The following TBCK variants were observed in gnomAD, a reference collection of about 807,000 sequenced individuals.
TBCK encodes TBC domain-containing protein kinase-like protein.
A neutral mutation model predicts 113.4 loss-of-function variants in TBCK; 99 were observed. The observed-to-expected ratio is 0.87, with a 90% CI of 0.74 to 1.03. The LOEUF (loss-of-function observed/expected upper bound fraction) is 1.03. TBCK is among the 50% of genes least tolerant of loss of function. The pLI, the probability that TBCK is intolerant of heterozygous loss-of-function variation, is 0.00. For missense variants in TBCK, 1,045 were observed against 1,061.3 expected (o/e 0.98, Z 0.21); for synonymous variants, 369 against 370.8 (o/e 1.00, Z 0.05).
At chr4:106,246,859 G>GT (rs1338139043) in intron 10 of TBCK, among the ~76,000 whole-genome samples, 2 of 151,952 alleles carry the variant, frequency 1.3e-5, no homozygotes, top group Non-Finnish European at 2.9e-5. Context: ...TGTTGTTGTT[G>GT]TTTTTTGTAG....
chr4:106,244,428 A>T (rs1378894656), intron 11 of TBCK, among the ~76,000 whole-genome samples, 198 bp downstream of exon 11: 2 of 152,142 alleles, frequency 1.3e-5, no homozygotes, highest in Non-Finnish European at 2.9e-5. Flanking sequence ...GAACTCTGCA[A>T]TTAGAAACTT....
chr4:106,206,374 A>C (rs1048744072), intron 20 of TBCK, among the ~76,000 whole-genome samples: 1 of 152,216 alleles, frequency 6.6e-6, no homozygotes. Context: ...TTTGATTTCT[A>C]AAATCTGGGC....
At chr4:106,201,889 C>G (rs929284854) in intron 20 of TBCK, among the ~76,000 whole-genome samples, 13 of 151,840 alleles carry the variant, frequency 8.6e-5, no homozygotes, top group African/African-American at 3.1e-4. Context: ...ACATATTGAC[C>G]ATTAGTTTAA....
chr4:106,067,239 T>C (rs1258100963), intron 25 of TBCK, among the ~76,000 whole-genome samples: 1 of 152,138 alleles, frequency 6.6e-6, no homozygotes, highest in African/African-American at 2.4e-5. Context: ...ATGATACTGA[T>C]TATCTTTTCC....
At chr4:106,070,097 T>C (rs543137554) in intron 25 of TBCK, among the ~76,000 whole-genome samples, 1 of 152,130 alleles carries the variant, frequency 6.6e-6, no homozygotes, top group Non-Finnish European at 1.5e-5. Flanking sequence ...CAGGGACAAT[T>C]TGACTTCCTC....
chr4:106,048,051 G>A (rs1425700476), intron 25 of TBCK, among the ~76,000 whole-genome samples: 1 of 152,084 alleles, frequency 6.6e-6, no homozygotes, highest in Non-Finnish European at 1.5e-5. Flanking sequence ...TGGGCTGAGT[G>A]GTTTGGCCAG....
At chr4:106,281,053 T>TA in intron 3 of TBCK, among the ~76,000 whole-genome samples, 1 of 152,290 alleles carries the variant, frequency 6.6e-6, no homozygotes, top group East Asian at 1.9e-4. Flanking sequence ...GTCCCATCCA[T>TA]AAACATGAAA....
intron 11 of TBCK, among the ~76,000 whole-genome samples, chr4:106,243,539 A>T (rs1199666209): frequency 2.0e-5 from 3 of 152,152 alleles, no homozygotes; most frequent in Non-Finnish European, 4.4e-5. Context: ...AATCAAAGTT[A>T]ACATTTAAAA....
chr4:106,161,353 G>C (rs1023839045), intron 23 of TBCK, among the ~76,000 whole-genome samples: 2 of 152,232 alleles, frequency 1.3e-5, no homozygotes, highest in South Asian at 4.1e-4. Flanking sequence ...CGGAGAACAA[G>C]CTAAAAACAC....
chr4:106,058,933 A>C (rs1735732351), intron 25 of TBCK, among the ~76,000 whole-genome samples: 1 of 151,748 alleles, frequency 6.6e-6, no homozygotes, highest in African/African-American at 2.4e-5. Flanking sequence ...CCTGAGTGAA[A>C]ACAGTTGTGC....
At chr4:106,309,535 C>A (rs1055787681) in intron 1 of TBCK, among the ~76,000 whole-genome samples, 2 of 151,886 alleles carry the variant, frequency 1.3e-5, no homozygotes. Context: ...AACTCCTGAC[C>A]TCGTGATCCA....
At position 106,095,536 on chromosome 4, in the gene TBCK, GT is replaced by G. The variant is rs1397705856; in HGVS notation, c.2516del (p.Asn839ThrfsTer25). 1.2e-6 allele frequency: 2 copies of G among 1,614,024 alleles called. No individual in the cohort carries two copies. The highest frequency in any genetic ancestry group is 2.7e-5 in the African/African-American group (2 of 74,946). On this transcript the variant is annotated frameshift_variant, in exon 25 of 26. Transcript: ENST00000394708. LOFTEE classifies it high-confidence loss of function. Reference sequence around the variant, plus strand: ...CGATGACAATGACCTTCCCTTTGAAGTTCTGGAGCATAGCAGTGTAAGGGCC... The same window carrying G: ...CGATGACAATGACCTTCCCTTTGAAGTCTGGAGCATAGCAGTGTAAGGGCC... ...TQGPYTAMLQNFKGKVIVIVG... is the reference protein window; with the variant it reads ...TQGPYTAMLQXFKGKVIVIVG...
chr4:106,135,130 A>C (rs1397398826), intron 23 of TBCK, among the ~76,000 whole-genome samples: 1 of 152,126 alleles, frequency 6.6e-6, no homozygotes, highest in Admixed American at 6.6e-5. Context: ...GAAAGATGAA[A>C]TATCATTTCT....
intron 19 of TBCK, among the ~76,000 whole-genome samples, chr4:106,223,061 C>T (rs1757878895): frequency 6.6e-6 from 1 of 152,022 alleles, no homozygotes; most frequent in African/African-American, 2.4e-5. Flanking sequence ...GGAAAAATCT[C>T]CTCAGTCACA....
At chr4:106,302,857 G>A (rs1471838964) in intron 2 of TBCK, among the ~76,000 whole-genome samples, 1 of 152,144 alleles carries the variant, frequency 6.6e-6, no homozygotes, top group Admixed American at 6.5e-5. Context: ...AATGATCCCC[G>A]TAATTTTTCA....
chr4:106,231,788 G>C lies in TBCK; in HGVS notation c.1640-9C>G. The C allele has an allele frequency of 6.2e-7, 1 of 1,606,036 alleles. No homozygotes were observed. The highest frequency in any genetic ancestry group is 8.5e-7 in the Non-Finnish European group (1 of 1,176,276). On this transcript the variant is annotated splice_polypyrimidine_tract_variant and intron_variant, in intron 17 of 25. Transcript: ENST00000394708. ...ACAAAGTGAGTCAAGACCTAACACAGAGGGGTTGGGAGAAAGAAGTCAAAT... is the reference window on the plus strand; with the variant it reads ...ACAAAGTGAGTCAAGACCTAACACACAGGGGTTGGGAGAAAGAAGTCAAAT...
intron 5 of TBCK, among the ~76,000 whole-genome samples, chr4:106,252,349 T>A (rs957285479): frequency 6.6e-6 from 1 of 151,966 alleles, no homozygotes; most frequent in African/African-American, 2.4e-5. Flanking sequence ...GAATTAATAT[T>A]TAAAGTGCAT....
intron 22 of TBCK, among the ~76,000 whole-genome samples, chr4:106,179,312 C>T (rs1013043319): frequency 6.6e-6 from 1 of 151,954 alleles, no homozygotes; most frequent in African/African-American, 2.4e-5. Context: ...TTTTCTACTT[C>T]CTTGAGGTGC....
intron 3 of TBCK, among the ~76,000 whole-genome samples, chr4:106,265,327 C>T (rs892956505): frequency 7.2e-5 from 11 of 151,938 alleles, no homozygotes; most frequent in African/African-American, 2.2e-4. Context: ...GAGTAATAAT[C>T]ACACCATGTA....
Sources: gnomAD v4.1 joint callset for allele counts (sites outside exome capture counted in the v4.1 genomes callset) on GRCh38, gnomAD v4.1.1 for gene constraint, MANE v1.5 for transcripts, NCBI Gene and HGNC (gene_info 2026-07-23, HGNC 2026-07-21) for gene names.